Variants in IFT80 observed in about 807,000 individuals in gnomAD.
IFT80 encodes intraflagellar transport 80.
In IFT80, 79 loss-of-function variants were observed where a neutral mutation model predicts 107.9. The observed-to-expected ratio is 0.73, with a 90% confidence interval of 0.61 to 0.88. The LOEUF is 0.88. Among genes scored for constraint, IFT80 ranks in the 40% least tolerant of loss-of-function variants. The pLI, the probability that IFT80 is intolerant of heterozygous loss-of-function variation, is 0.00. For synonymous variants in IFT80, 299 were observed against 300.9 expected (o/e 0.99, Z 0.07); for missense variants, 797 against 914.2 (o/e 0.87, Z 1.65).
At chr3:160,293,051 T>C (rs529201673) in intron 12 of IFT80, among the ~76,000 whole-genome samples, 3 of 152,286 alleles carry the variant, frequency 2.0e-5, no homozygotes, top group East Asian at 1.9e-4. Flanking sequence ...GTTTGCTCTA[T>C]ACAAATGGAT....
At chr3:160,369,994 T>C (rs1722122518) in intron 5 of IFT80, among the ~76,000 whole-genome samples, 1 of 152,114 alleles carries the variant, frequency 6.6e-6, no homozygotes, top group South Asian at 2.1e-4. Flanking sequence ...TATCTCTCCA[T>C]AAAACAAATT....
intron 8 of IFT80, among the ~76,000 whole-genome samples, chr3:160,345,691 C>G (rs1720239329): frequency 1.2e-5 from 1 of 83,636 alleles, no homozygotes; most frequent in Non-Finnish European, 2.4e-5. Flanking sequence ...AAGACTCTGT[C>G]TCAAAAAAAA....
chr3:160,301,868 T>C (rs1031865280), intron 11 of IFT80, among the ~76,000 whole-genome samples: 1 of 151,976 alleles, frequency 6.6e-6, no homozygotes, highest in South Asian at 2.1e-4. Flanking sequence ...TTCCAGAACT[T>C]TACTAACTCA....
chr3:160,361,700 T>C (rs373233883), intron 6 of IFT80, among the ~76,000 whole-genome samples: 2 of 152,168 alleles, frequency 1.3e-5, no homozygotes, highest in Non-Finnish European at 2.9e-5. Flanking sequence ...TGCAATCAAA[T>C]TAGAACTCAG....
At chr3:160,335,819 C>T (rs887741192) in intron 8 of IFT80, among the ~76,000 whole-genome samples, 10 of 152,140 alleles carry the variant, frequency 6.6e-5, no homozygotes, top group African/African-American at 2.4e-4. Context: ...AGAAGTCATT[C>T]CCATTCCCTG....
intron 8 of IFT80, 148 bp from the exon 9 acceptor site, chr3:160,320,087 A>G: frequency 3.2e-6 from 2 of 633,984 alleles, no homozygotes; most frequent in East Asian, 5.5e-5. Context: ...ATTATAGTGT[A>G]CTGAATGGAA....
intron 11 of IFT80, 129 bp from the exon 12 acceptor site, chr3:160,301,175 A>T: frequency 1.1e-6 from 1 of 910,936 alleles, no homozygotes; most frequent in Non-Finnish European, 1.6e-6. Context: ...GTGTAGATAT[A>T]TAAGGAACAA....
chr3:160,367,396 T>C (rs1021564060), intron 5 of IFT80, among the ~76,000 whole-genome samples: 1 of 152,150 alleles, frequency 6.6e-6, no homozygotes, highest in South Asian at 2.1e-4. Context: ...TATAAATTAA[T>C]TATCATACCT....
Position 160,323,281 on chromosome 3 carries a change from T to C in IFT80, c.778-3342A>G, listed in dbSNP as rs1170286590. Among the ~76,000 whole-genome samples, 10 of 150,358 alleles carry C rather than the reference T, an allele frequency of 6.7e-5. No individual in the cohort carries two copies. The South Asian group carries it at 2.1e-3, about 32-fold the overall frequency. Reference sequence around the variant, plus strand: ...GCTAGCCAGTTTTCCCAGCACCATTTATTAAATAGGGAATCCTTTCCCCAT... The same window carrying C: ...GCTAGCCAGTTTTCCCAGCACCATTCATTAAATAGGGAATCCTTTCCCCAT... On this transcript the variant is annotated intron_variant, in intron 8 of 19. Transcript: ENST00000326448.
At chr3:160,380,183 C>A (rs1712364849) in intron 3 of IFT80, among the ~76,000 whole-genome samples, 1 of 151,928 alleles carries the variant, frequency 6.6e-6, no homozygotes, top group Admixed American at 6.6e-5. Context: ...TAGGCATGTG[C>A]CACCATGCCT....
chr3:160,314,993 G>T (rs1717687978), intron 9 of IFT80, among the ~76,000 whole-genome samples: 2 of 140,776 alleles, frequency 1.4e-5, no homozygotes, highest in Admixed American at 1.5e-4. Context: ...TTCCAAAAAG[G>T]GTTTGAAGAG....
intron 1 of IFT80, among the ~76,000 whole-genome samples, chr3:160,397,053 G>A (rs1392551919): frequency 1.3e-5 from 2 of 152,078 alleles, no homozygotes; most frequent in African/African-American, 4.8e-5. Context: ...GTGACTTATC[G>A]TTCTTCCTAT....
At chr3:160,299,109 A>G (rs950038770) in intron 12 of IFT80, 5 of 990,688 alleles carry the variant, frequency 5.0e-6, no homozygotes, top group Non-Finnish European at 1.2e-6. Flanking sequence ...AAGTTTATTG[A>G]AAACAAAAAT....
Position 160,366,121 on chromosome 3 carries a change from A to C in IFT80, c.471T>G (p.Pro157=). The C allele has an allele frequency of 6.2e-7, 1 of 1,612,656 alleles. No individual in the cohort carries two copies. Among genetic ancestry groups the C allele is most frequent in the Non-Finnish European group, 8.5e-7 (1 of 1,179,010 alleles). The change falls in exon 6 of 20, where the codon CCT becomes CCG. Residue 157 remains proline, a synonymous_variant. Coordinates refer to ENST00000326448, the MANE Select transcript of IFT80 (RefSeq NM_020800.3). The part of the protein sequence containing the change: ...GTPVYSVAWG[P]DSEKVLYTAG... ...CTGTATAAAGAACCTTTTCTGAATC[A>C]GGGCCCCACGCTACTGAATACACTG...
rs540952569 is a variant in IFT80 at position 160,265,873 on chromosome 3, T to G, written c.2223+2540A>C. The stretch of plus-strand genomic sequence containing the variant: ...AACTCTTAGTTCTGAAATAAAGCAT[T>G]TATATAATCATAAGTCTGGCAAAGA... On this transcript the variant is annotated intron_variant, in intron 19 of 19. Coordinates refer to ENST00000326448, the MANE Select transcript of IFT80 (RefSeq NM_020800.3). Among the ~76,000 whole-genome samples, 18 of 152,272 alleles carry G rather than the reference T, an allele frequency of 1.2e-4. No individual in the cohort carries two copies. The South Asian group carries it at 3.5e-3, about 30-fold the overall frequency.
At chr3:160,280,636 C>G in intron 15 of IFT80, 31 bp downstream of exon 15, 2 of 1,585,738 alleles carry the variant, frequency 1.3e-6, no homozygotes, top group Non-Finnish European at 1.7e-6. Flanking sequence ...TTATTTACTA[C>G]AAAACAGAAT....
intron 5 of IFT80, among the ~76,000 whole-genome samples, chr3:160,371,341 T>C (rs1413136465): frequency 6.6e-6 from 1 of 152,144 alleles, no homozygotes; most frequent in African/African-American, 2.4e-5. Context: ...ACATTCACTC[T>C]CCCCAGAACA....
intron 19 of IFT80, among the ~76,000 whole-genome samples, chr3:160,260,471 T>C (rs1448327967): frequency 1.3e-5 from 2 of 152,202 alleles, no homozygotes; most frequent in African/African-American, 4.8e-5. Context: ...ACATTGATAA[T>C]ATACTGAACA....
At chr3:160,272,525 A>AT in intron 18 of IFT80, among the ~76,000 whole-genome samples, 1 of 152,232 alleles carries the variant, frequency 6.6e-6, no homozygotes, top group African/African-American at 2.4e-5. Context: ...ATAATAAACA[A>AT]TTTTTTAAAA....
Sources: gnomAD v4.1 joint callset for allele counts (sites outside exome capture counted in the v4.1 genomes callset) on GRCh38, gnomAD v4.1.1 for gene constraint, MANE v1.5 for transcripts, NCBI Gene and HGNC (gene_info 2026-07-23, HGNC 2026-07-21) for gene names.